Variants in CAMTA1 observed in about 807,000 individuals in gnomAD.
CAMTA1 encodes calmodulin-binding transcription activator 1.
In CAMTA1, 27 loss-of-function variants were observed where a neutral mutation model predicts 170.9. That is an observed-to-expected ratio of 0.16 (90% CI 0.12 to 0.22). The LOEUF (loss-of-function observed/expected upper bound fraction) is 0.22. Among genes scored for constraint, CAMTA1 ranks in the 10% least tolerant of loss-of-function variants. The probability of loss-of-function intolerance (pLI) is 1.00; values close to 1 mark genes in which losing one functional copy is unlikely to be tolerated. For missense variants in CAMTA1, 1,619 were observed against 2,217.2 expected (o/e 0.73, Z 5.42); for synonymous variants, 833 against 891.5 (o/e 0.93, Z 1.17).
chr1:7,411,655 G>A (rs1050577612), intron 5 of CAMTA1, among the ~76,000 whole-genome samples: 1 of 151,892 alleles, frequency 6.6e-6, no homozygotes, highest in African/African-American at 2.4e-5. Flanking sequence ...AGAAGTACCA[G>A]CTCAGAGAGA....
intron 5 of CAMTA1, among the ~76,000 whole-genome samples, chr1:7,335,137 TG>T (rs2083281029): frequency 2.8e-5 from 1 of 35,774 alleles, no homozygotes; most frequent in Non-Finnish European, 8.2e-5. Flanking sequence ...TGTGTGTGTG[TG>T]TGGGGGGGGG....
Position 7,736,813 on chromosome 1 carries a change from C to A in CAMTA1, c.3264-118C>A. ...ACACTGCCCTGGGACTCTGTTTCTTCACCATGGGGATGTTATATACCCAGT... is the reference window on the plus strand; with the variant it reads ...ACACTGCCCTGGGACTCTGTTTCTTAACCATGGGGATGTTATATACCCAGT... On this transcript the variant is annotated intron_variant, in intron 13 of 22. Coordinates refer to ENST00000303635, the MANE Select transcript of CAMTA1 (RefSeq NM_015215.4). This position sits in a 1 kb window ranked among gnomAD's most constrained non-coding sequence, Gnocchi z 4.5. 1.2e-6 allele frequency: 1 copy of A among 847,842 alleles called. No homozygotes were observed. The highest frequency in any genetic ancestry group is 2.6e-5 in the East Asian group (1 of 37,782). 52.5% of individuals were successfully genotyped at this position (847,842 alleles called of 1,614,324 possible).
At chr1:7,712,121 TG>T (rs1365917060) in intron 11 of CAMTA1, among the ~76,000 whole-genome samples, 1 of 152,170 alleles carries the variant, frequency 6.6e-6, no homozygotes, top group Non-Finnish European at 1.5e-5. Flanking sequence ...ATATATTAAG[TG>T]ATGCTGCTTA....
At chr1:7,261,170 T>C (rs1055273485) in intron 5 of CAMTA1, among the ~76,000 whole-genome samples, 1 of 152,228 alleles carries the variant, frequency 6.6e-6, no homozygotes, top group Non-Finnish European at 1.5e-5. Flanking sequence ...TATGGAAACA[T>C]AAATTCCACA....
intron 5 of CAMTA1, among the ~76,000 whole-genome samples, chr1:7,255,225 G>A (rs187817068): frequency 2.0e-5 from 3 of 152,096 alleles, no homozygotes; most frequent in East Asian, 3.9e-4. Context: ...ACTGTGGCGC[G>A]TGTATACCTA....
At chr1:7,319,202 G>C (rs1677985696) in intron 5 of CAMTA1, among the ~76,000 whole-genome samples, 1 of 152,140 alleles carries the variant, frequency 6.6e-6, no homozygotes, top group Admixed American at 6.5e-5. Context: ...TTTACATGGA[G>C]ATCTGAAGGA....
chr1:6,994,207 ATG>A (rs890525491), intron 3 of CAMTA1, among the ~76,000 whole-genome samples: 2 of 152,138 alleles, frequency 1.3e-5, no homozygotes, highest in Non-Finnish European at 1.5e-5. Context: ...AAACAGCCAC[ATG>A]TGTTTTATGA....
intron 3 of CAMTA1, among the ~76,000 whole-genome samples, chr1:7,013,044 TC>T (rs1462237736): frequency 1.2e-5 from 1 of 80,206 alleles, no homozygotes; most frequent in East Asian, 3.9e-4. Flanking sequence ...CTGAGTCCCC[TC>T]TCTCGTCTCC....
intron 5 of CAMTA1, among the ~76,000 whole-genome samples, chr1:7,263,593 T>C (rs12031086): frequency 0.41 from 63,098 of 152,082 alleles, 13,395 homozygotes; most frequent in Non-Finnish European, 0.45. Context: ...TCCTCACCCC[T>C]GGTATTGAGT....
rs1029233899 is a variant in CAMTA1 at position 6,832,232 on chromosome 1, C to T, written c.234+7022C>T. Among the ~76,000 whole-genome samples the T allele has an allele frequency of 5.9e-5, 9 of 151,992 alleles. No homozygotes were observed. The East Asian group carries it at 1.2e-3, about 20-fold the overall frequency. ...TGAAGTAGCTGGGATTATAGGTGCT[C>T]GCCACCACGGACCTGGCTAATTTTT... On this transcript the variant is annotated intron_variant, in intron 3 of 22. Coordinates refer to ENST00000303635, the MANE Select transcript of CAMTA1 (RefSeq NM_015215.4).
In CAMTA1 at chr1:6,992,415, GC is replaced by G. The variant is rs1696531897; in HGVS notation, c.235-98887del. On this transcript the variant is annotated intron_variant, in intron 3 of 22. Coordinates refer to ENST00000303635, the MANE Select transcript of CAMTA1 (RefSeq NM_015215.4). ...TCCCTTTCTGATTATTTCTTTCCAT[GC>G]CTTCTCTAAGAAATCTTTGCTTATT... is the stretch of plus-strand genomic sequence containing the variant. 3.3e-5 allele frequency among the ~76,000 whole-genome samples: 5 copies of G among 152,046 alleles called. No individual in the cohort carries two copies. The South Asian group carries it at 1.0e-3, about 32-fold the overall frequency.
chr1:7,125,766 A>T (rs1227179127), intron 4 of CAMTA1, among the ~76,000 whole-genome samples: 1 of 152,164 alleles, frequency 6.6e-6, no homozygotes, highest in Non-Finnish European at 1.5e-5. Context: ...TGAGGGCCTC[A>T]TACATCACCC....
chr1:7,405,596 T>C (rs1438185004), intron 5 of CAMTA1, among the ~76,000 whole-genome samples: 1 of 152,144 alleles, frequency 6.6e-6, no homozygotes, highest in Non-Finnish European at 1.5e-5. Context: ...GATCTTGAAC[T>C]CCTAGGCTCA....
chr1:7,189,194 G>T (rs1654047607), intron 4 of CAMTA1, among the ~76,000 whole-genome samples: 1 of 152,122 alleles, frequency 6.6e-6, no homozygotes, highest in Non-Finnish European at 1.5e-5. Context: ...GTTTCTAACA[G>T]GGAAACACTG....
intron 3 of CAMTA1, among the ~76,000 whole-genome samples, chr1:6,826,149 C>T (rs1055783571): frequency 4.6e-5 from 7 of 152,216 alleles, no homozygotes; most frequent in Non-Finnish European, 7.3e-5. Context: ...TTGGCGCTAA[C>T]TACTTCCTGA....
rs550131399 is a variant in CAMTA1 at position 7,038,660 on chromosome 1, T to C, written c.235-52644T>C. On this transcript the variant is annotated intron_variant, in intron 3 of 22. Coordinates refer to ENST00000303635, the MANE Select transcript of CAMTA1 (RefSeq NM_015215.4). ...CCAAATATTTCAACAGGTAGGAATA[T>C]CATTCATTAGAGTTCACAGTTTGTT... 2.6e-5 allele frequency among the ~76,000 whole-genome samples: 4 copies of C among 152,350 alleles called. No individual in the cohort carries two copies. The South Asian group carries it at 8.3e-4, about 32-fold the overall frequency.
rs940929042 is a variant in CAMTA1, at chr1:7,072,645, G to A, written c.235-18659G>A. Reference sequence around the variant, plus strand: ...AAAAAGAAAGTGGGGTGGAGGGCCAGGCAGTGTGTCAGGGGATGTTGCTAT... The same window carrying A: ...AAAAAGAAAGTGGGGTGGAGGGCCAAGCAGTGTGTCAGGGGATGTTGCTAT... On this transcript the variant is annotated intron_variant, in intron 3 of 22. Coordinates refer to ENST00000303635, the MANE Select transcript of CAMTA1 (RefSeq NM_015215.4). 2.0e-5 allele frequency among the ~76,000 whole-genome samples: 3 copies of A among 152,246 alleles called. 1 individual carries two copies. The East Asian group carries it at 5.8e-4, about 29-fold the overall frequency.
chr1:7,203,742 CT>C lies in CAMTA1; in HGVS notation c.303-45739del, dbSNP rs370971080. On this transcript the variant is annotated intron_variant, in intron 4 of 22. Transcript: ENST00000303635. ...TTGCCTCTAGTTATTTGAGTTTTCT[CT>C]TTTTTTTTTCTTGGTCAGTCTAAAG... Among the ~76,000 whole-genome samples the C allele has an allele frequency of 7.1e-4, 103 of 144,674 alleles. 1 individual carries two copies. The highest frequency in any genetic ancestry group is 2.2e-3 in the African/African-American group (88 of 39,526). 94.9% of individuals were successfully genotyped at this position (144,674 alleles called of 152,430 possible). A position where few individuals can be genotyped will look rare whatever the true frequency, so the allele number is the denominator to read the frequency against.
Position 7,732,649 on chromosome 1 carries a change from A to G in CAMTA1, c.3066+50A>G. On this transcript the variant is annotated intron_variant, in intron 12 of 22. Transcript: ENST00000303635. The surrounding 1 kb of genome is among the most constrained non-coding windows in gnomAD (Gnocchi z 4.1). ...CTCCCATTTCGCTTCATGTTTATGG[A>G]TTGGCGAGGCAGTGGATGGATCACA... The G allele has an allele frequency of 1.3e-6, 2 of 1,512,794 alleles. No individual in the cohort carries two copies. The highest frequency in any genetic ancestry group is 1.4e-5 in the African/African-American group (1 of 73,094). 93.7% of individuals were successfully genotyped at this position (1,512,794 alleles called of 1,614,324 possible).
Sources: allele counts gnomAD v4.1 joint callset (sites outside exome capture counted in the v4.1 genomes callset), GRCh38; gene constraint gnomAD v4.1.1; non-coding constraint Gnocchi (gnomAD v3.1); transcripts MANE v1.5; gene names NCBI Gene and HGNC (gene_info 2026-07-23, HGNC 2026-07-21).